Variants in FAF1 observed in about 807,000 individuals in gnomAD.
FAF1 encodes FAS-associated factor 1.
Under a neutral mutation model 92.5 loss-of-function variants are expected in FAF1, and 25 were observed. The ratio of observed to expected loss-of-function variants is 0.27; its 90% CI spans 0.20 to 0.38. The LOEUF (loss-of-function observed/expected upper bound fraction) is 0.38, where lower values mean the gene tolerates loss of function less well. FAF1 is among the 10% of genes least tolerant of loss of function. The pLI is 1.00. For synonymous variants in FAF1, 234 were observed against 273.2 expected, an observed-to-expected ratio of 0.86 and a Z score of 1.42; for missense variants, 636 against 793.3, an observed-to-expected ratio of 0.80 and a Z score of 2.38.
chr1:50,892,271 C>G (rs1432909046), intron 1 of FAF1, among the ~76,000 whole-genome samples: 1 of 152,198 alleles, frequency 6.6e-6, no homozygotes, highest in Non-Finnish European at 1.5e-5. Context: ...CTTTACTTGG[C>G]TAGGAAAGGG....
chr1:50,864,366 C>T (rs1486636313), intron 1 of FAF1, among the ~76,000 whole-genome samples: 2 of 151,866 alleles, frequency 1.3e-5, no homozygotes, highest in African/African-American at 4.8e-5. Flanking sequence ...CCTCTACACA[C>T]TGCTTTGAAT....
chr1:50,827,053 C>T (rs1056258189), intron 2 of FAF1, among the ~76,000 whole-genome samples: 1 of 151,372 alleles, frequency 6.6e-6, no homozygotes, highest in Non-Finnish European at 1.5e-5. Flanking sequence ...AGCGCCTCTG[C>T]CCAGCCACCC....
At chr1:50,735,828 T>G (rs1659115559) in intron 6 of FAF1, among the ~76,000 whole-genome samples, 1 of 152,170 alleles carries the variant, frequency 6.6e-6, no homozygotes, top group Non-Finnish European at 1.5e-5. Context: ...GCAATTCTCC[T>G]GCCTCAGCCT....
chr1:50,485,690 AAAAAAACC>A (rs1557964477), intron 17 of FAF1, among the ~76,000 whole-genome samples: 1 of 150,288 alleles, frequency 6.7e-6, no homozygotes, highest in East Asian at 2.0e-4. Flanking sequence ...AAAAAAAAAA[AAAAAAACC>A]AAAAAAACAA....
intron 8 of FAF1, among the ~76,000 whole-genome samples, chr1:50,641,330 T>C (rs1033326274): frequency 6.6e-6 from 1 of 152,230 alleles, no homozygotes; most frequent in African/African-American, 2.4e-5. Flanking sequence ...ATTTAAACTA[T>C]GAATTCTCCT....
At chr1:50,896,411 A>G (rs1434517336) in intron 1 of FAF1, among the ~76,000 whole-genome samples, 1 of 152,228 alleles carries the variant, frequency 6.6e-6, no homozygotes, top group Non-Finnish European at 1.5e-5. Context: ...TGCCCCATAA[A>G]TACATACACC....
At chr1:50,523,545 T>A (rs951778145) in intron 15 of FAF1, among the ~76,000 whole-genome samples, 4 of 152,222 alleles carry the variant, frequency 2.6e-5, no homozygotes, top group African/African-American at 7.2e-5. Flanking sequence ...ATGAGCTTGT[T>A]GGTCATCTGT....
chr1:50,678,493 T>C (rs1656253628), intron 7 of FAF1, among the ~76,000 whole-genome samples: 1 of 152,154 alleles, frequency 6.6e-6, no homozygotes, highest in African/African-American at 2.4e-5. Flanking sequence ...TTTTAAAAAA[T>C]ACATTTTTTG....
intron 8 of FAF1, among the ~76,000 whole-genome samples, chr1:50,600,661 A>C (rs1417488677): frequency 6.6e-6 from 1 of 152,168 alleles, no homozygotes; most frequent in Non-Finnish European, 1.5e-5. Flanking sequence ...TTCCAACTAT[A>C]GATCTGTAGG....
intron 13 of FAF1, among the ~76,000 whole-genome samples, chr1:50,549,433 C>T (rs1160494461): frequency 2.0e-5 from 3 of 151,556 alleles, no homozygotes; most frequent in South Asian, 2.1e-4. Flanking sequence ...CTCAGCCTCC[C>T]GAGTAGCTGG....
chr1:50,501,746 G>T (rs1646989665), intron 15 of FAF1, among the ~76,000 whole-genome samples: 1 of 152,102 alleles, frequency 6.6e-6, no homozygotes, highest in South Asian at 2.1e-4. Flanking sequence ...ACTGCTGTTG[G>T]GAACGTAAAA....
chr1:50,676,670 A>G (rs1656135568), intron 7 of FAF1, among the ~76,000 whole-genome samples: 1 of 151,642 alleles, frequency 6.6e-6, no homozygotes, highest in African/African-American at 2.4e-5. Context: ...AAAAATACAA[A>G]AATTAGCTGG....
chr1:50,534,837 C>T (rs1290770257), intron 15 of FAF1, among the ~76,000 whole-genome samples: 2 of 152,104 alleles, frequency 1.3e-5, no homozygotes, highest in Non-Finnish European at 2.9e-5. Flanking sequence ...GTTCTATGTT[C>T]ATGTTATCTA....
rs533259476 is a variant in FAF1 at position 50,475,221 on chromosome 1, C to T, written c.1869+243G>A. On this transcript the variant is annotated intron_variant, in intron 18 of 18. Coordinates refer to ENST00000396153, the MANE Select transcript of FAF1 (RefSeq NM_007051.3). ...GACTGGAATGCTGGAATAGGGAAAA[C>T]AGCTAGGAAGGAAGATCTAGTACCT... 1.8e-4 allele frequency among the ~76,000 whole-genome samples: 27 copies of T among 152,292 alleles called. No homozygotes were observed. In the South Asian group the frequency reaches 5.4e-3, roughly 30 times the overall value.
At chr1:50,490,763 G>C (rs1646829911) in intron 16 of FAF1, 98 bp from the exon 17 acceptor site, 1 of 819,824 alleles carries the variant, frequency 1.2e-6, no homozygotes, top group Non-Finnish European at 2.1e-6. Flanking sequence ...AGGAAAGAAA[G>C]AGTATGTGAC....
intron 18 of FAF1, among the ~76,000 whole-genome samples, chr1:50,473,712 G>C (rs1333122460): frequency 6.6e-6 from 1 of 152,106 alleles, no homozygotes; most frequent in Non-Finnish European, 1.5e-5. Flanking sequence ...CAGTAGGCAG[G>C]GCCAGTGAGA....
intron 8 of FAF1, among the ~76,000 whole-genome samples, chr1:50,624,951 G>C (rs1653426158): frequency 6.7e-6 from 1 of 148,748 alleles, no homozygotes; most frequent in African/African-American, 2.5e-5. Context: ...GCCCAGGCTG[G>C]AGTGCAATGG....
intron 7 of FAF1, among the ~76,000 whole-genome samples, chr1:50,662,281 CTG>C (rs1365551593): frequency 1.3e-5 from 2 of 152,158 alleles, no homozygotes; most frequent in African/African-American, 4.8e-5. Context: ...TTTGAACTGA[CTG>C]GATTCTGCAG....
intron 1 of FAF1, among the ~76,000 whole-genome samples, chr1:50,870,320 G>T (rs1644517107): frequency 6.6e-6 from 1 of 152,202 alleles, no homozygotes; most frequent in Admixed American, 6.5e-5. Flanking sequence ...AGCTGAGCAT[G>T]GCAGCATGTG....
Sources: allele counts gnomAD v4.1 joint callset (sites outside exome capture counted in the v4.1 genomes callset), GRCh38; gene constraint gnomAD v4.1.1; transcripts MANE v1.5; gene names NCBI Gene and HGNC (gene_info 2026-07-23, HGNC 2026-07-21).